SASH1: variants seen among roughly 807,000 people sequenced by gnomAD.
SASH1 encodes the protein SAM and SH3 domain-containing protein 1.
In SASH1, 44 loss-of-function variants were observed where a neutral mutation model predicts 125.2. That is an observed-to-expected ratio of 0.35 (90% CI 0.28 to 0.45). SASH1 has a LOEUF of 0.45. SASH1 is among the 20% of genes least tolerant of loss of function. The pLI, the probability that SASH1 is intolerant of heterozygous loss-of-function variation, is 1.00. For synonymous variants in SASH1, 639 were observed against 649.1 expected (o/e 0.98, Z 0.24); for missense variants, 1,426 against 1,614.5 (o/e 0.88, Z 2.00).
chr6:148,516,092 A>T (rs1333975514), intron 9 of SASH1, among the ~76,000 whole-genome samples: 1 of 152,246 alleles, frequency 6.6e-6, no homozygotes, highest in African/African-American at 2.4e-5. Flanking sequence ...GGAAAAGGAA[A>T]AATATAGCAA....
At chr6:148,223,118 T>G in the SASH1 span, among the ~76,000 whole-genome samples, 1 of 151,572 alleles carries the variant, frequency 6.6e-6, no homozygotes, top group African/African-American at 2.4e-5. Context: ...GAATTGAAAA[T>G]GTTCCTGGAG....
intron 1 of SASH1, among the ~76,000 whole-genome samples, chr6:148,334,065 G>A (rs1281976717): frequency 3.3e-5 from 5 of 150,356 alleles, no homozygotes; most frequent in Non-Finnish European, 7.4e-5. Flanking sequence ...CTCGTGATCC[G>A]CCTGCCTCGG....
At chr6:148,350,012 A>C (rs11155563) in intron 1 of SASH1, among the ~76,000 whole-genome samples, 32,445 of 151,722 alleles carry the variant, frequency 0.21, 3,906 homozygotes, top group Middle Eastern at 0.31. Flanking sequence ...CGCCCGGCTA[A>C]TTTTTTGTAT....
chr6:148,545,023 G>A (rs1450752561), intron 18 of SASH1, among the ~76,000 whole-genome samples: 1 of 152,096 alleles, frequency 6.6e-6, no homozygotes, highest in Non-Finnish European at 1.5e-5. Flanking sequence ...TAGGTAAACC[G>A]AGGTTAAAAA....
chr6:148,423,685 A>C (rs1775673550), intron 2 of SASH1, among the ~76,000 whole-genome samples: 1 of 152,204 alleles, frequency 6.6e-6, no homozygotes, highest in Non-Finnish European at 1.5e-5. Context: ...CTCTTGCTTA[A>C]CTGCGAGCTC....
chr6:148,462,784 CA>C (rs1777677335), intron 4 of SASH1, among the ~76,000 whole-genome samples: 1 of 152,140 alleles, frequency 6.6e-6, no homozygotes, highest in African/African-American at 2.4e-5. Flanking sequence ...AGAATGTATA[CA>C]ATTTGGAATT....
chr6:148,296,031 T>G, intron 1 of SASH1, among the ~76,000 whole-genome samples: 1 of 152,260 alleles, frequency 6.6e-6, no homozygotes, highest in South Asian at 2.1e-4. Context: ...CCATCAAAAC[T>G]TGTTGGAAAT....
At chr6:148,325,069 T>C (rs1780759335) in intron 1 of SASH1, among the ~76,000 whole-genome samples, 1 of 152,184 alleles carries the variant, frequency 6.6e-6, no homozygotes. Context: ...TATTAGTCCA[T>C]TCTCACTCTG....
At chr6:148,315,694 A>G (rs1780463553) in intron 1 of SASH1, among the ~76,000 whole-genome samples, 1 of 152,176 alleles carries the variant, frequency 6.6e-6, no homozygotes, top group Non-Finnish European at 1.5e-5. Context: ...GCTTGAGCCC[A>G]GGAATTCGAG....
chr6:148,540,733 G>A (rs1034120770), intron 17 of SASH1, among the ~76,000 whole-genome samples, 177 bp downstream of exon 17: 1 of 152,168 alleles, frequency 6.6e-6, no homozygotes, highest in East Asian at 1.9e-4. Flanking sequence ...TGGCTGCTGG[G>A]TGAGGTTAAT....
At chr6:148,358,733 GT>G (rs10673654) in intron 1 of SASH1, among the ~76,000 whole-genome samples, 136 of 120,928 alleles carry the variant, frequency 1.1e-3, no homozygotes, top group Non-Finnish European at 1.6e-3. Flanking sequence ...CCATGTTTTT[GT>G]TTTTTTTTTT....
chr6:148,371,704 C>T (rs866817492), intron 1 of SASH1, among the ~76,000 whole-genome samples: 1 of 152,022 alleles, frequency 6.6e-6, no homozygotes. Flanking sequence ...CATGGTGGTC[C>T]TAAATAAGGA....
intron 4 of SASH1, among the ~76,000 whole-genome samples, chr6:148,468,063 C>T (rs535380300): frequency 9.8e-5 from 15 of 152,344 alleles, no homozygotes; most frequent in African/African-American, 3.6e-4. Context: ...TTATTAGGGA[C>T]ACTCAATATC....
At position 148,400,100 on chromosome 6, in the gene SASH1, A is replaced by G. The variant is rs191340724; in HGVS notation, c.285+9838A>G. Among the ~76,000 whole-genome samples the G allele has an allele frequency of 1.8e-4, 28 of 152,336 alleles. No homozygotes were observed. The East Asian group carries it at 5.0e-3, about 27-fold the overall frequency. ...AGACAAAATGTAAAGGAGTGCAGTG[A>G]ATGTTTGCTTATTTCCAGGCCCTCA... On this transcript the variant is annotated intron_variant, in intron 2 of 19. Transcript: ENST00000367467.
At chr6:148,417,100 C>T (rs1352209527) in intron 2 of SASH1, among the ~76,000 whole-genome samples, 1 of 152,188 alleles carries the variant, frequency 6.6e-6, no homozygotes, top group Admixed American at 6.5e-5. Context: ...GGTGGAACCC[C>T]TGCCCTGGGA....
the SASH1 span, among the ~76,000 whole-genome samples, chr6:148,243,040 G>A: frequency 9.8e-5 from 15 of 152,288 alleles, no homozygotes. Flanking sequence ...TGTTGGGTAG[G>A]TACAGTGGCT....
At position 148,471,090 on chromosome 6, in the gene SASH1, C is replaced by CA. The variant is rs561679897; in HGVS notation, c.428-325dup. Among the ~76,000 whole-genome samples, 1,173 of 152,032 alleles carry CA rather than the reference C, an allele frequency of 7.7e-3. 13 individuals are homozygous for CA. Among genetic ancestry groups the CA allele is most frequent in the Non-Finnish European group, 0.012 (830 of 67,984 alleles). On this transcript the variant is annotated intron_variant, in intron 5 of 19. Transcript: ENST00000367467. Reference sequence around the variant, plus strand: ...AAGACCAAAGGGGGGAAATATACTGCAAGACGAGGCCAAATTAGGCATACT... The same window carrying CA: ...AAGACCAAAGGGGGGAAATATACTGCAAAGACGAGGCCAAATTAGGCATACT...
chr6:148,354,513 T>G (rs1781852438), intron 1 of SASH1, among the ~76,000 whole-genome samples: 2 of 152,146 alleles, frequency 1.3e-5, no homozygotes, highest in East Asian at 3.9e-4. Context: ...TTTCCCAGGG[T>G]TTCATTCAGT....
the SASH1 span, among the ~76,000 whole-genome samples, chr6:148,235,144 A>G: frequency 6.6e-6 from 1 of 152,208 alleles, no homozygotes. Flanking sequence ...ATAACGTGTC[A>G]ATGGTAATCA....
Sources: gnomAD v4.1 joint callset for allele counts (sites outside exome capture counted in the v4.1 genomes callset) on GRCh38, gnomAD v4.1.1 for gene constraint, MANE v1.5 for transcripts, NCBI Gene and HGNC (gene_info 2026-07-23, HGNC 2026-07-21) for gene names.